The following NTRK1 variants were observed in gnomAD, a reference collection of about 807,000 sequenced individuals.
The protein encoded by NTRK1 is high affinity nerve growth factor receptor.
Under a neutral mutation model 86.8 loss-of-function variants are expected in NTRK1, and 62 were observed. The observed-to-expected ratio is 0.71, with a 90% confidence interval of 0.58 to 0.88. The LOEUF (loss-of-function observed/expected upper bound fraction) is 0.88. Among genes scored for constraint, NTRK1 ranks in the 40% least tolerant of loss-of-function variants. The probability of loss-of-function intolerance (pLI) is 0.00; values close to 1 mark genes in which losing one functional copy is unlikely to be tolerated. For synonymous variants in NTRK1, 469 were observed against 456.6 expected, an observed-to-expected ratio of 1.03 and a Z score of -0.35; for missense variants, 967 against 1,078.4, an observed-to-expected ratio of 0.90 and a Z score of 1.45.
chr1:156,817,568 T>G (rs1654042120), intron 1 of NTRK1, among the ~76,000 whole-genome samples: 1 of 151,450 alleles, frequency 6.6e-6, no homozygotes. Context: ...GGAAAGAGAA[T>G]TCCTCCAGCT....
chr1:156,870,098 C>A (rs1647467315), intron 6 of NTRK1, among the ~76,000 whole-genome samples: 1 of 152,204 alleles, frequency 6.6e-6, no homozygotes, highest in Non-Finnish European at 1.5e-5. Flanking sequence ...GCAAAGCTGC[C>A]TAGAGTGAGT....
chr1:156,875,475 C>A lies in NTRK1; in HGVS notation c.1355-45C>A, dbSNP rs769752169. The stretch of plus-strand genomic sequence containing the variant: ...TCCTGCAGGCAAGGGTGGGCAGGGC[C>A]AAGGTGTGGGCAAACCCCTCCATGC... On this transcript the variant is annotated intron_variant, in intron 11 of 16. Transcript: ENST00000524377. The A allele has an allele frequency of 5.6e-6, 9 of 1,612,436 alleles. No individual in the cohort carries two copies. The African/African-American group carries it at 1.2e-4, about 22-fold the overall frequency.
intron 15 of NTRK1, 135 bp downstream of exon 15, chr1:156,879,497 A>C: frequency 8.4e-7 from 1 of 1,190,494 alleles, no homozygotes; most frequent in Non-Finnish European, 1.2e-6. Context: ...TTTTCAACCT[A>C]CCTCCTCGGC....
intron 16 of NTRK1, among the ~76,000 whole-genome samples, chr1:156,881,164 C>T (rs141989908): frequency 1.5e-3 from 225 of 152,336 alleles, no homozygotes; most frequent in African/African-American, 5.3e-3. Context: ...CTCAGCCCCT[C>T]GCCTTCCTCA....
At chr1:156,822,708 C>T (rs1271860528) in intron 1 of NTRK1, among the ~76,000 whole-genome samples, 1 of 151,544 alleles carries the variant, frequency 6.6e-6, no homozygotes, top group Non-Finnish European at 1.5e-5. Flanking sequence ...CCAGATTCTC[C>T]ACCTTCAGTT....
intron 2 of NTRK1, chr1:156,842,983 A>T (rs1300325240): frequency 6.3e-7 from 1 of 1,576,684 alleles, no homozygotes; most frequent in Admixed American, 1.7e-5. Context: ...GACCCTGACA[A>T]TGCCCTTGGC....
chr1:156,830,899 G>T (rs1010230457), intron 1 of NTRK1, among the ~76,000 whole-genome samples: 1 of 152,216 alleles, frequency 6.6e-6, no homozygotes, highest in African/African-American at 2.4e-5. Context: ...AGCCATCAGA[G>T]GCTTGGGTAT....
chr1:156,862,282 C>A (rs985943066), intron 1 of NTRK1, among the ~76,000 whole-genome samples: 1 of 152,136 alleles, frequency 6.6e-6, no homozygotes, highest in East Asian at 1.9e-4. Flanking sequence ...TCTAGGGAGA[C>A]CAGGAGTAGA....
At chr1:156,866,240 G>T (rs939249974) in intron 3 of NTRK1, among the ~76,000 whole-genome samples, 9 of 152,234 alleles carry the variant, frequency 5.9e-5, no homozygotes, top group Non-Finnish European at 1.3e-4. Flanking sequence ...CCCCTCAGAG[G>T]CAGAGGGTCC....
At chr1:156,820,057 G>A (rs1459406577) in intron 1 of NTRK1, among the ~76,000 whole-genome samples, 3 of 152,172 alleles carry the variant, frequency 2.0e-5, no homozygotes, top group Non-Finnish European at 4.4e-5. Context: ...CTAAGCCAAT[G>A]TCCAGAAGAG....
chr1:156,880,178 AC>A, intron 16 of NTRK1, 21 bp downstream of exon 16: 1 of 1,611,032 alleles, frequency 6.2e-7, no homozygotes. Flanking sequence ...GCCCATGGTC[AC>A]CCCTTGCTGG....
At chr1:156,829,086 C>T (rs148590363) in intron 1 of NTRK1, among the ~76,000 whole-genome samples, 6 of 152,096 alleles carry the variant, frequency 3.9e-5, no homozygotes, top group African/African-American at 1.4e-4. Context: ...TTTATTCTGG[C>T]GGGGGAGAGA....
upstream of NTRK1, among the ~76,000 whole-genome samples, chr1:156,857,178 TG>T (rs1655438232): frequency 9.0e-6 from 1 of 110,508 alleles, no homozygotes; most frequent in Non-Finnish European, 1.9e-5. Flanking sequence ...TGTGTGTGTG[TG>T]TGTGTGTGTG....
At chr1:156,859,997 T>G (rs1655555521), upstream of NTRK1, among the ~76,000 whole-genome samples, 1 of 152,162 alleles carries the variant, frequency 6.6e-6, no homozygotes, top group African/African-American at 2.4e-5. This position sits in a 1 kb window ranked among gnomAD's most constrained non-coding sequence, Gnocchi z 6.2. Context: ...GGTCCTCAGC[T>G]CCACCCGCGG....
upstream of NTRK1, among the ~76,000 whole-genome samples, chr1:156,857,569 A>G (rs534089959): frequency 2.1e-3 from 326 of 152,246 alleles, 1 homozygote; most frequent in Non-Finnish European, 4.1e-3. Flanking sequence ...GCAGAAGAGG[A>G]GGGGGTTCGG....
intron 1 of NTRK1, among the ~76,000 whole-genome samples, chr1:156,829,416 G>T (rs1654406671): frequency 6.6e-6 from 1 of 152,178 alleles, no homozygotes; most frequent in South Asian, 2.1e-4. Flanking sequence ...AAGGCAGTGG[G>T]GAGGGCTGTG....
chr1:156,839,368 A>G (rs1471886898), intron 1 of NTRK1, among the ~76,000 whole-genome samples: 1 of 152,244 alleles, frequency 6.6e-6, no homozygotes, highest in South Asian at 2.1e-4. Context: ...GCAGGAAGCT[A>G]AAGAGTTCTG....
chr1:156,851,390 T>C (rs1456602368), intron 2 of NTRK1: 1 of 1,614,082 alleles, frequency 6.2e-7, no homozygotes. Context: ...CCAGTAATGG[T>C]TTCTACCAGC....
At position 156,854,403 on chromosome 1, in the gene NTRK1, A is replaced by G. The variant is rs1655339978; in HGVS notation, c.51-9951A>G. On this transcript the variant is annotated intron_variant, in intron 2 of 16. Coordinates refer to the NTRK1 transcript ENST00000392302. The surrounding 1 kb of genome is among the most constrained non-coding windows in gnomAD (Gnocchi z 4.2). ...GGGGAGCCACACTGGCAGTAGGACA[A>G]TGAGTGAGGAGCCGGGCTCTGCTCT... The G allele has an allele frequency of 8.2e-7, 1 of 1,224,428 alleles. No individual in the cohort carries two copies. Among genetic ancestry groups the G allele is most frequent in the Non-Finnish European group, 1.1e-6 (1 of 889,478 alleles). The allele number at this position is 1,224,428 out of a possible 1,614,324, so 75.8% of individuals were successfully genotyped here.
Sources: allele counts gnomAD v4.1 joint callset (sites outside exome capture counted in the v4.1 genomes callset), GRCh38; gene constraint gnomAD v4.1.1; non-coding constraint Gnocchi (gnomAD v3.1); transcripts MANE v1.5; gene names NCBI Gene and HGNC (gene_info 2026-07-23, HGNC 2026-07-21).